Variants in TCEANC2 observed in about 807,000 individuals in gnomAD.
TCEANC2 encodes the protein transcription elongation factor A N-terminal and central domain-containing protein 2.
A neutral mutation model predicts 22.8 loss-of-function variants in TCEANC2; 20 were observed. The observed-to-expected ratio is 0.88, with a 90% CI of 0.62 to 1.28. TCEANC2 has a LOEUF of 1.28. Among genes scored for constraint, TCEANC2 ranks in the 50% most tolerant of loss-of-function variants. The probability of loss-of-function intolerance (pLI) is 0.00; values close to 1 mark genes in which losing one functional copy is unlikely to be tolerated. For synonymous variants in TCEANC2, 84 were observed against 95.5 expected, an observed-to-expected ratio of 0.88 and a Z score of 0.70; for missense variants, 251 against 249.7, an observed-to-expected ratio of 1.01 and a Z score of -0.03.
intron 2 of TCEANC2, among the ~76,000 whole-genome samples, chr1:54,062,740 C>G (rs968326744): frequency 1.3e-5 from 2 of 152,134 alleles, no homozygotes; most frequent in Admixed American, 1.3e-4. Flanking sequence ...AAGTATTTAT[C>G]AGGTAAATGA....
chr1:54,109,521 C>G (rs968692607), downstream of TCEANC2, among the ~76,000 whole-genome samples: 9 of 152,158 alleles, frequency 5.9e-5, no homozygotes. Context: ...GGGCTTACTA[C>G]GTAGGTAACT....
At chr1:54,071,571 A>G (rs969855216) in intron 3 of TCEANC2, among the ~76,000 whole-genome samples, 3 of 152,092 alleles carry the variant, frequency 2.0e-5, no homozygotes, top group African/African-American at 4.8e-5. Flanking sequence ...GTCTTTTATA[A>G]CCTAATCTCA....
intron 3 of TCEANC2, among the ~76,000 whole-genome samples, chr1:54,085,992 G>A (rs1031142196): frequency 1.3e-5 from 2 of 152,152 alleles, no homozygotes; most frequent in East Asian, 1.9e-4. Flanking sequence ...TCTTGGCATC[G>A]CAAAGTGTTG....
intron 2 of TCEANC2, among the ~76,000 whole-genome samples, chr1:54,065,950 C>A (rs1181988438): frequency 6.6e-6 from 1 of 151,002 alleles, no homozygotes; most frequent in Non-Finnish European, 1.5e-5. Context: ...TGCATGCCTG[C>A]AGTCCCAGCT....
chr1:54,060,569 AAAAAT>A (rs1395952214), intron 2 of TCEANC2, among the ~76,000 whole-genome samples: 2 of 152,152 alleles, frequency 1.3e-5, no homozygotes, highest in African/African-American at 2.4e-5. Context: ...ACCCTGTCTC[AAAAAT>A]AAAATAAAAT....
rs1221481596 is a variant in TCEANC2 at position 54,102,266 on chromosome 1, G to A, written c.*5793G>A. The A allele has an allele frequency of 6.6e-6, 1 of 152,252 alleles. No homozygotes were observed. The highest frequency in any genetic ancestry group is 1.5e-5 in the Non-Finnish European group (1 of 68,084). The allele number at this position is 152,252 out of a possible 1,614,324, so 9.4% of individuals were successfully genotyped here. ...GACAGATGAGCTGGCAGAGCCCAAA[G>A]TACCCGAGGTATCTGTGGTGGGAAC... is the stretch of plus-strand genomic sequence containing the variant. On this transcript the variant is annotated 3_prime_UTR_variant, in exon 5 of 5. Coordinates refer to ENST00000234827, the MANE Select transcript of TCEANC2 (RefSeq NM_153035.3).
At chr1:54,056,080 A>G (rs369853481) in intron 2 of TCEANC2, among the ~76,000 whole-genome samples, 1 of 152,192 alleles carries the variant, frequency 6.6e-6, no homozygotes. Flanking sequence ...ACCAAACTCT[A>G]GATGATCTTT....
Position 54,105,820 on chromosome 1 carries a change from C to T in TCEANC2, c.*9347C>T, listed in dbSNP as rs1365265853. ...TATTTTTAGAGAGATTGGGTTTCAC[C>T]ATGTTGGCCAGGATGGTCTTGATCT... On this transcript the variant is annotated 3_prime_UTR_variant, in exon 5 of 5. Coordinates refer to ENST00000234827, the MANE Select transcript of TCEANC2 (RefSeq NM_153035.3). The T allele has an allele frequency of 1.3e-5, 2 of 152,122 alleles. No individual in the cohort carries two copies. Among genetic ancestry groups the T allele is most frequent in the Admixed American group, 6.5e-5 (1 of 15,268 alleles). 9.4% of individuals were successfully genotyped at this position (152,122 alleles called of 1,614,324 possible).
At chr1:54,089,886 CG>C in intron 4 of TCEANC2, 1 of 663,114 alleles carries the variant, frequency 1.5e-6, no homozygotes, top group South Asian at 1.8e-5. Flanking sequence ...CGCACCAAGT[CG>C]TCTCCAAGTT....
downstream of TCEANC2, among the ~76,000 whole-genome samples, chr1:54,107,857 A>G (rs1018323352): frequency 1.3e-5 from 2 of 152,228 alleles, no homozygotes; most frequent in Non-Finnish European, 2.9e-5. Flanking sequence ...AACCATAGAC[A>G]TGCTATTTCA....
At position 54,102,489 on chromosome 1, in the gene TCEANC2, A is replaced by C. The variant is rs551290123; in HGVS notation, c.*6016A>C. The C allele has an allele frequency of 6.6e-6, 1 of 152,372 alleles. No individual in the cohort carries two copies. Among genetic ancestry groups the C allele is most frequent in the South Asian group, 2.1e-4 (1 of 4,834 alleles). 9.4% of individuals were successfully genotyped at this position (152,372 alleles called of 1,614,324 possible). ...GTTGACCATGTGACCAAAGCTGTTCATCATGAGCTGGATTCTGCCATATCC... is the reference window on the plus strand; with the variant it reads ...GTTGACCATGTGACCAAAGCTGTTCCTCATGAGCTGGATTCTGCCATATCC... On this transcript the variant is annotated 3_prime_UTR_variant, in exon 5 of 5. Coordinates refer to ENST00000234827, the MANE Select transcript of TCEANC2 (RefSeq NM_153035.3).
chr1:54,097,080 A>G lies in TCEANC2; in HGVS notation c.*607A>G. 5.1e-6 allele frequency: 4 copies of G among 779,284 alleles called. No homozygotes were observed. The highest frequency in any genetic ancestry group is 6.2e-6 in the Non-Finnish European group (4 of 641,364). The allele number at this position is 779,284 out of a possible 1,614,324, so 48.3% of individuals were successfully genotyped here. ...AGCCCCCATGCTGAGGCTACTAATG[A>G]GGAACTGGCCCGAAGCCTCCCACAC... On this transcript the variant is annotated 3_prime_UTR_variant, in exon 5 of 5. Coordinates refer to ENST00000234827, the MANE Select transcript of TCEANC2 (RefSeq NM_153035.3).
chr1:54,080,473 T>C (rs1658219435), intron 3 of TCEANC2, among the ~76,000 whole-genome samples: 1 of 152,212 alleles, frequency 6.6e-6, no homozygotes, highest in Non-Finnish European at 1.5e-5. Flanking sequence ...AGGATAAGCA[T>C]TGCCTCTTTC....
Position 54,058,168 on chromosome 1 carries a change from A to C in TCEANC2, c.102+3644A>C, listed in dbSNP as rs563816789. Among the ~76,000 whole-genome samples the C allele has an allele frequency of 3.6e-4, 55 of 152,328 alleles. No individual in the cohort carries two copies. The South Asian group carries it at 0.011, about 30-fold the overall frequency. On this transcript the variant is annotated intron_variant, in intron 2 of 4. Transcript: ENST00000234827. ...AAGTGTTTGGTACAGAGTCTGGCCAATACTAAGTACTTTGTAAGTCTTTGC... is the reference window on the plus strand; with the variant it reads ...AAGTGTTTGGTACAGAGTCTGGCCACTACTAAGTACTTTGTAAGTCTTTGC...
chr1:54,069,153 T>G (rs1314317069), intron 3 of TCEANC2, among the ~76,000 whole-genome samples: 1 of 152,234 alleles, frequency 6.6e-6, no homozygotes, highest in East Asian at 1.9e-4. Flanking sequence ...AGATATAGGA[T>G]TACTCTTGTC....
Position 54,101,789 on chromosome 1 carries a change from A to G in TCEANC2, c.*5316A>G, listed in dbSNP as rs564256868. On this transcript the variant is annotated 3_prime_UTR_variant, in exon 5 of 5. Coordinates refer to ENST00000234827, the MANE Select transcript of TCEANC2 (RefSeq NM_153035.3). The stretch of plus-strand genomic sequence containing the variant: ...CTCCCAAGTGTCTGGGACCATAGGT[A>G]TGTGCCATCATACCTGGCTGATTTT... 5 of 152,050 alleles carry G rather than the reference A, an allele frequency of 3.3e-5. No homozygotes were observed. The highest frequency in any genetic ancestry group is 6.6e-5 in the Admixed American group (1 of 15,246). 9.4% of individuals were successfully genotyped at this position (152,050 alleles called of 1,614,324 possible).
In TCEANC2 at chr1:54,096,174, C is replaced by T; in HGVS notation, c.439-111C>T. 2.1e-6 allele frequency: 3 copies of T among 1,404,694 alleles called. No homozygotes were observed. Among genetic ancestry groups the T allele is most frequent in the Non-Finnish European group, 2.8e-6 (3 of 1,063,246 alleles). The allele number at this position is 1,404,694 out of a possible 1,614,324, so 87.0% of individuals were successfully genotyped here. On this transcript the variant is annotated intron_variant, in intron 4 of 4. Transcript: ENST00000234827. This position sits in a 1 kb window ranked among gnomAD's most constrained non-coding sequence, Gnocchi z 4.9. ...TCTCTTGTGACAGGAAGTAGATGTCCTTGAATTTCAGTTGATTAATGGAGG... is the reference window on the plus strand; with the variant it reads ...TCTCTTGTGACAGGAAGTAGATGTCTTTGAATTTCAGTTGATTAATGGAGG...
intron 1 of TCEANC2, 109 bp from the exon 2 acceptor site, chr1:54,054,272 G>A: frequency 1.4e-6 from 2 of 1,451,484 alleles, no homozygotes; most frequent in East Asian, 5.1e-5. Context: ...TCCACTCGAG[G>A]CCCCATAATT....
At chr1:54,064,667 C>T (rs1003212868) in intron 2 of TCEANC2, among the ~76,000 whole-genome samples, 3 of 149,494 alleles carry the variant, frequency 2.0e-5, no homozygotes, top group Non-Finnish European at 3.0e-5. Context: ...GGCAAGCGAC[C>T]GGTTTTGTTG....
Sources: gnomAD v4.1 joint callset for allele counts (sites outside exome capture counted in the v4.1 genomes callset) on GRCh38, gnomAD v4.1.1 for gene constraint, Gnocchi (gnomAD v3.1) non-coding constraint, MANE v1.5 for transcripts, NCBI Gene and HGNC (gene_info 2026-07-23, HGNC 2026-07-21) for gene names.